Variants in KRTCAP2 observed in about 807,000 individuals in gnomAD.
KRTCAP2 encodes the protein keratinocyte associated protein 2.
A neutral mutation model predicts 16.5 loss-of-function variants in KRTCAP2; 10 were observed. That is an observed-to-expected ratio of 0.60 (90% confidence interval 0.37 to 1.02). The LOEUF (loss-of-function observed/expected upper bound fraction) is 1.02, where lower values mean the gene tolerates loss of function less well. KRTCAP2 is among the 50% of genes least tolerant of loss of function. The pLI is 0.01. For missense variants in KRTCAP2, 152 were observed against 159.6 expected (o/e 0.95, Z 0.26); for synonymous variants, 68 against 69.8 (o/e 0.97, Z 0.13).
intron 4 of KRTCAP2, 62 bp downstream of exon 4, chr1:155,169,729 C>T: frequency 3.5e-6 from 5 of 1,433,156 alleles, no homozygotes; most frequent in Non-Finnish European, 4.8e-6. Context: ...GGCACCATCA[C>T]AGTAAGATCC....
In KRTCAP2 at chr1:155,172,449, C is replaced by T. The variant is rs1665286000; in HGVS notation, c.223+116G>A. 12 of 1,569,690 alleles carry T rather than the reference C, an allele frequency of 7.6e-6. No homozygotes were observed. In the South Asian group the frequency reaches 1.3e-4, roughly 17 times the overall value. ...AGCGTCATCTGTCTTCAGACAGCTT[C>T]AGTAAATATATTTCTCCTTAACAAC... On this transcript the variant is annotated intron_variant, in intron 3 of 4. Transcript: ENST00000295682.
intron 3 of KRTCAP2, chr1:155,171,918 G>C (rs777886558): frequency 1.5e-4 from 149 of 985,340 alleles, no homozygotes; most frequent in Middle Eastern, 5.2e-4. Flanking sequence ...TACCACATGA[G>C]GGTTTTACAT....
In KRTCAP2 at chr1:155,169,852, G is replaced by C. The variant is rs1313413584; in HGVS notation, c.229C>G (p.Leu77Val). Residue 77 changes from leucine (L) to valine (V), a missense_variant, in exon 4 of 5, where the codon CTG becomes GTG. Leu to Val is a conservative substitution (Grantham distance 32). Coordinates refer to ENST00000295682, the MANE Select transcript of KRTCAP2 (RefSeq NM_173852.4). ...FQAKIFPEIL[L>V]CLLLALFASG... Reference sequence around the variant, plus strand: ...GCAAAGAGAGCCAACAGGAGGCACAGGAGAACTAGGGAGGCAAGAAGAACA... The same window carrying C: ...GCAAAGAGAGCCAACAGGAGGCACACGAGAACTAGGGAGGCAAGAAGAACA... 5 of 1,585,552 alleles carry C rather than the reference G, an allele frequency of 3.2e-6. No homozygotes were observed. In the South Asian group the frequency reaches 5.8e-5, roughly 18 times the overall value.
At chr1:155,169,744 C>A (rs752608575) in intron 4 of KRTCAP2, 47 bp downstream of exon 4, 1 of 1,512,750 alleles carries the variant, frequency 6.6e-7, no homozygotes, top group Non-Finnish European at 9.1e-7. Flanking sequence ...AGATCCAATG[C>A]CAAAAAACGG....
chr1:155,171,379 A>C (rs1665233660), intron 3 of KRTCAP2: 1 of 868,134 alleles, frequency 1.2e-6, no homozygotes, highest in South Asian at 5.3e-5. Flanking sequence ...GGTTCACACC[A>C]CTGTACTCCA....
chr1:155,172,131 A>G, intron 3 of KRTCAP2: 1 of 1,008,970 alleles, frequency 9.9e-7, no homozygotes, highest in Non-Finnish European at 1.2e-6. Flanking sequence ...CTGCTGCCAT[A>G]GATATTTGGT....
In KRTCAP2 at chr1:155,172,828, C is replaced by T; in HGVS notation, c.69G>A (p.Met23Ile). The T allele has an allele frequency of 6.2e-7, 1 of 1,614,204 alleles. No individual in the cohort carries two copies. The highest frequency in any genetic ancestry group is 8.5e-7 in the Non-Finnish European group (1 of 1,180,024). The change falls in exon 2 of 5, where the codon ATG becomes ATA. Residue 23 changes from methionine (M) to isoleucine (I), a missense_variant. By Grantham distance (10) the Met-to-Ile change is conservative. Coordinates refer to ENST00000295682, the MANE Select transcript of KRTCAP2 (RefSeq NM_173852.4). ...SLLSLLLFAG[M>I]QMYSRQLAST... ...AGGCCAGCTGACGGCTGTACATCTG[C>T]ATCCCAGCAAAGAGCAGCAGGGACA...
chr1:155,173,121 C>T, intron 1 of KRTCAP2, 100 bp downstream of exon 1: 1 of 1,161,896 alleles, frequency 8.6e-7, no homozygotes, highest in Non-Finnish European at 1.2e-6. Context: ...CCGGTGGAAC[C>T]CAGGACACGT....
chr1:155,172,197 T>C (rs1665273892), intron 3 of KRTCAP2: 6 of 1,100,890 alleles, frequency 5.5e-6, no homozygotes, highest in Non-Finnish European at 6.7e-6. Context: ...TTCTCTAATA[T>C]TGAGTTAACT....
intron 1 of KRTCAP2, 82 bp downstream of exon 1, chr1:155,173,139 G>T (rs1665327787): frequency 1.6e-6 from 2 of 1,264,328 alleles, no homozygotes; most frequent in Non-Finnish European, 2.3e-6. Context: ...CGTCAGCTCT[G>T]TCGGGAGAGG....
At position 155,172,722 on chromosome 1, in the gene KRTCAP2, A is replaced by G. The variant is rs754243386; in HGVS notation, c.159+16T>C. 1 of 1,614,152 alleles carries G rather than the reference A, an allele frequency of 6.2e-7. No homozygotes were observed. The highest frequency in any genetic ancestry group is 8.5e-7 in the Non-Finnish European group (1 of 1,180,010). ...ATGCCTACGTGGCCCGCCCCCTCCA[A>G]CTGCAGGGAGGATACAGTGAGCGAG... is the stretch of plus-strand genomic sequence containing the variant. On this transcript the variant is annotated intron_variant, in intron 2 of 4. Coordinates refer to ENST00000295682, the MANE Select transcript of KRTCAP2 (RefSeq NM_173852.4).
intron 1 of KRTCAP2, 72 bp from the exon 2 acceptor site, chr1:155,172,964 C>T (rs1457829586): frequency 1.3e-6 from 2 of 1,540,386 alleles, no homozygotes; most frequent in East Asian, 2.3e-5. Flanking sequence ...GCAGATCAGC[C>T]GGTCCGGAAG....
rs551900242 is a variant in KRTCAP2 at position 155,173,281 on chromosome 1, G to C, written c.-57C>G. Reference sequence around the variant, plus strand: ...CTGGCCAAGAAAGGCGAGCTGAACCGGGTGCGGTTAGCTATGCGCATGCGT... The same window carrying C: ...CTGGCCAAGAAAGGCGAGCTGAACCCGGTGCGGTTAGCTATGCGCATGCGT... On this transcript the variant is annotated 5_prime_UTR_variant, in exon 1 of 5. Transcript: ENST00000295682. 8 of 1,613,934 alleles carry C rather than the reference G, an allele frequency of 5.0e-6. No individual in the cohort carries two copies. The highest frequency in any genetic ancestry group is 6.8e-6 in the Non-Finnish European group (8 of 1,179,974).
At position 155,172,635 on chromosome 1, in the gene KRTCAP2, G is replaced by A. The variant is rs1665295194; in HGVS notation, c.160-7C>T. On this transcript the variant is annotated splice_region_variant and splice_polypyrimidine_tract_variant and intron_variant, in intron 2 of 4. Coordinates refer to ENST00000295682, the MANE Select transcript of KRTCAP2 (RefSeq NM_173852.4). ...TCTCCAGATTATTGAAGGCCTGGTTGAGGGAGTTAAGGAGTAGGGTGTGCA... is the reference window on the plus strand; with the variant it reads ...TCTCCAGATTATTGAAGGCCTGGTTAAGGGAGTTAAGGAGTAGGGTGTGCA... The A allele has an allele frequency of 9.9e-6, 16 of 1,614,116 alleles. No individual in the cohort carries two copies. The highest frequency in any genetic ancestry group is 1.4e-5 in the Non-Finnish European group (16 of 1,180,052).
intron 3 of KRTCAP2, chr1:155,170,451 A>G (rs4971089): frequency 0.56 from 84,870 of 151,968 alleles, 24,405 homozygotes; most frequent in East Asian, 0.8. Context: ...CCATAAAAGG[A>G]AAAAGGAAAG....
rs150295746 is a variant in KRTCAP2, at chr1:155,172,621, T to C, written c.167A>G (p.Asn56Ser). The C allele has an allele frequency of 1.2e-4, 194 of 1,614,078 alleles. No individual in the cohort carries two copies. The highest frequency in any genetic ancestry group is 4.5e-4 in the African/African-American group (34 of 74,922). The change falls in exon 3 of 5, where the codon AAT (asparagine) becomes AGT (serine). Residue 56 changes from asparagine (N) to serine (S), a missense_variant. Physicochemically the swap from Asn to Ser is conservative, Grantham distance 46. Transcript: ENST00000295682. ...GCCAAAGACAAGATTCTCCAGATTA[T>C]TGAAGGCCTGGTTGAGGGAGTTAAG... is the stretch of plus-strand genomic sequence containing the variant. ...GLFVFSLTAFNNLENLVFGKG... is the reference protein window; with the variant it reads ...GLFVFSLTAFSNLENLVFGKG...
At position 155,172,887 on chromosome 1, in the gene KRTCAP2, C is replaced by A. The variant is rs775905434; in HGVS notation, c.10G>T (p.Gly4Cys). Reference sequence around the variant, plus strand: ...GAGAGCGCCAGCGAGGTGCCCGTACCCACCACTGGAGGGGATGGGAGAAGG... The same window carrying A: ...GAGAGCGCCAGCGAGGTGCCCGTACACACCACTGGAGGGGATGGGAGAAGG... MVV[G>C]TGTSLALSSL... is the part of the protein sequence containing the mutation. Residue 4 changes from glycine (G) to cysteine (C), a missense_variant, in exon 2 of 5, where the codon GGT becomes TGT. By Grantham distance (159) the Gly-to-Cys change is radical (BLOSUM62 -3). Coordinates refer to ENST00000295682, the MANE Select transcript of KRTCAP2 (RefSeq NM_173852.4). The A allele has an allele frequency of 6.2e-7, 1 of 1,613,896 alleles. No homozygotes were observed. The highest frequency in any genetic ancestry group is 1.3e-5 in the African/African-American group (1 of 75,038).
intron 3 of KRTCAP2, chr1:155,172,146 C>T: frequency 9.8e-7 from 1 of 1,023,188 alleles, no homozygotes; most frequent in African/African-American, 1.7e-5. Flanking sequence ...TTTGGTGCCT[C>T]TAGTATTTAG....
chr1:155,172,701 C>T, intron 2 of KRTCAP2, 37 bp downstream of exon 2: 1 of 1,614,182 alleles, frequency 6.2e-7, no homozygotes, highest in African/African-American at 1.3e-5. Flanking sequence ...GGGCACATGC[C>T]TACGTGGCCC....
Sources: allele counts gnomAD v4.1 joint callset, GRCh38; gene constraint gnomAD v4.1.1; transcripts MANE v1.5; gene names NCBI Gene and HGNC (gene_info 2026-07-23, HGNC 2026-07-21).